Variants in OPRM1 observed in about 807,000 individuals in gnomAD.
The protein encoded by OPRM1 is opioid receptor mu 1, also known as mu-type opioid receptor.
Under a neutral mutation model 31.8 loss-of-function variants are expected in OPRM1, and 27 were observed. That is an observed-to-expected ratio of 0.85 (90% CI 0.63 to 1.17). OPRM1 has a LOEUF of 1.17. Ranked by LOEUF, OPRM1 falls within the 50% of genes most tolerant of loss-of-function variation. OPRM1 has a pLI of 0.00. For synonymous variants in OPRM1, 196 were observed against 189.9 expected (o/e 1.03, Z -0.26); for missense variants, 536 against 511.1 (o/e 1.05, Z -0.47).
chr6:154,200,017 G>A (rs756974431), intron 3 of OPRM1: 2 of 1,613,242 alleles, frequency 1.2e-6, no homozygotes, highest in Non-Finnish European at 1.7e-6. Flanking sequence ...GGCTGGGTGA[G>A]GATGAAGATG....
chr6:154,218,093 T>A (rs1023330256), intron 3 of OPRM1, among the ~76,000 whole-genome samples: 2 of 152,206 alleles, frequency 1.3e-5, no homozygotes, highest in African/African-American at 2.4e-5. Flanking sequence ...GAACTTTTTT[T>A]AAAACATCAT....
intron 1 of OPRM1, among the ~76,000 whole-genome samples, chr6:154,017,187 A>G (rs1778054637): frequency 6.6e-6 from 1 of 152,064 alleles, no homozygotes; most frequent in African/African-American, 2.4e-5. Context: ...CCTCTGCAAC[A>G]TAAGCTCCAT....
At chr6:154,086,086 C>A (rs1463264612) in intron 1 of OPRM1, among the ~76,000 whole-genome samples, 1 of 152,108 alleles carries the variant, frequency 6.6e-6, no homozygotes, top group Non-Finnish European at 1.5e-5. Context: ...GATCCATTCA[C>A]CTCAGCCTCC....
chr6:154,057,452 T>C (rs1018479987), intron 1 of OPRM1, among the ~76,000 whole-genome samples: 8 of 152,222 alleles, frequency 5.3e-5, no homozygotes, highest in African/African-American at 1.9e-4. Flanking sequence ...TCAAGGTTTA[T>C]TGCCATCAAT....
chr6:154,055,522 C>T (rs965719078), intron 1 of OPRM1, among the ~76,000 whole-genome samples: 1 of 152,180 alleles, frequency 6.6e-6, no homozygotes, highest in Non-Finnish European at 1.5e-5. Context: ...TTTTGCCTTT[C>T]CCTAGGTCAG....
intron 1 of OPRM1, among the ~76,000 whole-genome samples, chr6:154,011,765 CATTT>C (rs1170270678): frequency 6.6e-6 from 1 of 151,860 alleles, no homozygotes; most frequent in African/African-American, 2.4e-5. Context: ...AAAATAGGCC[CATTT>C]ATTTATTTAT....
At position 154,167,944 on chromosome 6, in the gene OPRM1, G is replaced by C. The variant is rs1799569245; in HGVS notation, c.1164+76472G>C. 1 of 1,598,380 alleles carries C rather than the reference G, an allele frequency of 6.3e-7. No homozygotes were observed. Among genetic ancestry groups the C allele is most frequent in the Non-Finnish European group, 8.6e-7 (1 of 1,167,602 alleles). On this transcript the variant is annotated intron_variant, in intron 3 of 3. Transcript: ENST00000337049. The stretch of plus-strand genomic sequence containing the variant: ...CCTTTAATGTGCTATTCAATGTTCG[G>C]ATTTTGTGGAGTTTCTCGTTTATAG...
chr6:154,056,555 A>G (rs1295865292), intron 1 of OPRM1, among the ~76,000 whole-genome samples: 1 of 151,644 alleles, frequency 6.6e-6, no homozygotes, highest in Non-Finnish European at 1.5e-5. Flanking sequence ...AGTAAACTCT[A>G]TAAATAAAGC....
rs999681031 is a variant in OPRM1 at position 154,127,532 on chromosome 6, A to G, written c.*8811A>G. ...CAGATACACGCTCAGGATAAGAACT[A>G]CCAGACTAGATTAGGAGGTCCACAC... is the stretch of plus-strand genomic sequence containing the variant. On this transcript the variant is annotated 3_prime_UTR_variant, in exon 4 of 4. Transcript: ENST00000330432. Among the ~76,000 whole-genome samples, 2 of 152,196 alleles carry G rather than the reference A, an allele frequency of 1.3e-5. No individual in the cohort carries two copies. The highest frequency in any genetic ancestry group is 3.8e-4 in the East Asian group (2 of 5,196).
chr6:154,164,404 CAGA>C (rs1799261632), intron 3 of OPRM1, among the ~76,000 whole-genome samples: 1 of 152,134 alleles, frequency 6.6e-6, no homozygotes. Flanking sequence ...GACAATAATA[CAGA>C]AGAAGGAAAT....
rs1797930040 is a variant in OPRM1, at chr6:154,132,075, A to G, written c.*13354A>G. Reference sequence around the variant, plus strand: ...CATTTCCAGGTAGGACAGGATGATCAGATGCAGCTTTCAAAAGAACTACCT... The same window carrying G: ...CATTTCCAGGTAGGACAGGATGATCGGATGCAGCTTTCAAAAGAACTACCT... On this transcript the variant is annotated 3_prime_UTR_variant, in exon 4 of 4. Coordinates refer to ENST00000330432, the MANE Select transcript of OPRM1 (RefSeq NM_000914.5). 6.6e-6 allele frequency among the ~76,000 whole-genome samples: 1 copy of G among 152,300 alleles called. No homozygotes were observed. Among genetic ancestry groups the G allele is most frequent in the African/African-American group, 2.4e-5 (1 of 41,570 alleles).
At chr6:154,025,815 A>C (rs944687573) in intron 1 of OPRM1, among the ~76,000 whole-genome samples, 8 of 152,016 alleles carry the variant, frequency 5.3e-5, no homozygotes, top group African/African-American at 1.2e-4. Context: ...AAAAAACCCC[A>C]AAAAACTCTA....
intron 3 of OPRM1, among the ~76,000 whole-genome samples, chr6:154,236,726 T>G (rs1045005110): frequency 1.3e-5 from 2 of 152,190 alleles, no homozygotes; most frequent in African/African-American, 4.8e-5. Flanking sequence ...CTATTCATGC[T>G]TCTGTTGAAC....
intron 3 of OPRM1, among the ~76,000 whole-genome samples, chr6:154,192,318 C>CTGTGTGTTTG (rs374502866): frequency 0.29 from 43,411 of 148,006 alleles, 6,600 homozygotes; most frequent in Middle Eastern, 0.37. Context: ...CACGTGGTTA[C>CTGTGTGTTTG]TGTGTGTGTG....
chr6:154,124,888 C>T lies in OPRM1; in HGVS notation c.*6167C>T, dbSNP rs1014418380. Among the ~76,000 whole-genome samples the T allele has an allele frequency of 6.6e-6, 1 of 152,182 alleles. No individual in the cohort carries two copies. Among genetic ancestry groups the T allele is most frequent in the South Asian group, 2.1e-4 (1 of 4,832 alleles). ...AGTAGTTCACCTCACTACCTTTTAT[C>T]CAAAGAAATTATCTCTAAAAGCACT... On this transcript the variant is annotated 3_prime_UTR_variant, in exon 4 of 4. Coordinates refer to ENST00000330432, the MANE Select transcript of OPRM1 (RefSeq NM_000914.5).
intron 3 of OPRM1, among the ~76,000 whole-genome samples, chr6:154,186,646 TC>T (rs1801385255): frequency 1.3e-5 from 2 of 151,894 alleles, no homozygotes; most frequent in Non-Finnish European, 2.9e-5. Flanking sequence ...AAGCTCCGCC[TC>T]CCGGGTTCGC....
Position 154,091,055 on chromosome 6 carries a change from C to T in OPRM1, c.747C>T (p.Ile249=), listed in dbSNP as rs768747134. Reference sequence around the variant, plus strand: ...TCGCCTTCATTATGCCAGTGCTCATCATTACCGTGTGCTATGGACTGATGA... The same window carrying T: ...TCGCCTTCATTATGCCAGTGCTCATTATTACCGTGTGCTATGGACTGATGA... ...FIFAFIMPVL[I]ITVCYGLMIL... Residue 249 remains isoleucine (I), a synonymous_variant, in exon 3 of 4, where the codon ATC becomes ATT. Transcript: ENST00000330432. The T allele has an allele frequency of 1.5e-5, 24 of 1,614,192 alleles. No homozygotes were observed. In the South Asian group the frequency reaches 2.1e-4, roughly 14 times the overall value.
intron 1 of OPRM1, among the ~76,000 whole-genome samples, chr6:154,071,281 T>C (rs1360670828): frequency 6.6e-6 from 1 of 152,160 alleles, no homozygotes; most frequent in Non-Finnish European, 1.5e-5. Flanking sequence ...TACCCCCAGG[T>C]CTGCCTGAGG....
intron 1 of OPRM1, among the ~76,000 whole-genome samples, chr6:154,088,087 TAA>T (rs58000752): frequency 1.4e-5 from 2 of 147,470 alleles, no homozygotes; most frequent in African/African-American, 5.0e-5. Flanking sequence ...GTGAATGGAT[TAA>T]AAAAAAAAAC....
Sources: allele counts gnomAD v4.1 joint callset (sites outside exome capture counted in the v4.1 genomes callset), GRCh38; gene constraint gnomAD v4.1.1; transcripts MANE v1.5; gene names NCBI Gene and HGNC (gene_info 2026-07-23, HGNC 2026-07-21).